Variants in NUCKS1 observed in about 807,000 individuals in gnomAD.
NUCKS1 encodes the protein nuclear ubiquitous casein and cyclin-dependent kinase substrate 1.
NUCKS1 carries 2 observed loss-of-function variants against 33.0 expected under a neutral mutation model. The observed-to-expected ratio is 0.06, with a 90% confidence interval of 0.02 to 0.19. The LOEUF is 0.19. Ranked by LOEUF, NUCKS1 falls within the 10% of genes least tolerant of loss-of-function variation. The pLI is 1.00. For missense variants in NUCKS1, 201 were observed against 293.6 expected (o/e 0.68, Z 2.31); for synonymous variants, 106 against 102.8 (o/e 1.03, Z -0.19).
At chr1:205,732,779 C>A (rs868390136) in intron 1 of NUCKS1, among the ~76,000 whole-genome samples, 196 of 73,902 alleles carry the variant, frequency 2.7e-3, no homozygotes, top group South Asian at 3.1e-3. Context: ...GACTCTGTCT[C>A]AAAAAAAAAA....
chr1:205,742,742 G>C (rs1278915172), intron 1 of NUCKS1, among the ~76,000 whole-genome samples: 1 of 152,116 alleles, frequency 6.6e-6, no homozygotes, highest in East Asian at 1.9e-4. Context: ...GGAGAATGGC[G>C]TGAACCCGGG....
At chr1:205,734,668 TG>T (rs1169368534) in intron 1 of NUCKS1, among the ~76,000 whole-genome samples, 1 of 152,080 alleles carries the variant, frequency 6.6e-6, no homozygotes, top group Non-Finnish European at 1.5e-5. Flanking sequence ...CCAAGGTGGG[TG>T]GATCACCTGA....
At chr1:205,745,741 CTATCATAGCTCTGT>C (rs1279796162) in intron 1 of NUCKS1, among the ~76,000 whole-genome samples, 5 of 152,072 alleles carry the variant, frequency 3.3e-5, no homozygotes, top group Non-Finnish European at 5.9e-5. Context: ...CTTAGCTCTG[CTATCATAGCTCTGT>C]AACTGTAACA....
chr1:205,735,804 CATAACTAACTCT>C (rs1654019786), intron 1 of NUCKS1, among the ~76,000 whole-genome samples: 1 of 152,172 alleles, frequency 6.6e-6, no homozygotes, highest in East Asian at 1.9e-4. Context: ...ATTTTGAACA[CATAACTAACTCT>C]TATTTGGATA....
intron 1 of NUCKS1, among the ~76,000 whole-genome samples, chr1:205,741,168 C>T (rs192197337): frequency 2.0e-5 from 3 of 147,760 alleles, no homozygotes; most frequent in Non-Finnish European, 3.0e-5. Flanking sequence ...GGCGTGGTGG[C>T]GGGCGCCTGT....
chr1:205,717,417 G>C lies in NUCKS1; in HGVS notation c.*863C>G, dbSNP rs1319461898. ...AGGGTTTTTTTTTTTTTGGATTCTT[G>C]GTAAAATTTTATCCAAAAAACAGGA... On this transcript the variant is annotated 3_prime_UTR_variant, in exon 7 of 7. Transcript: ENST00000367142. 2.1e-6 allele frequency: 2 copies of C among 961,066 alleles called. No individual in the cohort carries two copies. The highest frequency in any genetic ancestry group is 1.9e-5 in the African/African-American group (1 of 53,728). The allele number at this position is 961,066 out of a possible 1,614,324, so 59.5% of individuals were successfully genotyped here.
At chr1:205,732,001 A>G (rs1159647806) in intron 1 of NUCKS1, among the ~76,000 whole-genome samples, 1 of 152,204 alleles carries the variant, frequency 6.6e-6, no homozygotes, top group Non-Finnish European at 1.5e-5. Context: ...TTAAATTCAA[A>G]GACAGGATGG....
At chr1:205,748,517 C>T (rs1449272718) in intron 1 of NUCKS1, among the ~76,000 whole-genome samples, 1 of 152,196 alleles carries the variant, frequency 6.6e-6, no homozygotes, top group African/African-American at 2.4e-5. Context: ...AAGAGCTATC[C>T]AGACTCCTTG....
chr1:205,729,739 T>C, intron 1 of NUCKS1, 118 bp from the exon 2 acceptor site: 4 of 814,814 alleles, frequency 4.9e-6, no homozygotes, highest in East Asian at 2.5e-5. Context: ...AATTATTTAA[T>C]TGCTGGACGT....
At position 205,723,256 on chromosome 1, in the gene NUCKS1, G is replaced by A. The variant is rs1165011075; in HGVS notation, c.229+670C>T. Among the ~76,000 whole-genome samples, 6 of 152,126 alleles carry A rather than the reference G, an allele frequency of 3.9e-5. No individual in the cohort carries two copies. In the South Asian group the frequency reaches 1.2e-3, roughly 32 times the overall value. On this transcript the variant is annotated intron_variant, in intron 4 of 6. Coordinates refer to ENST00000367142, the MANE Select transcript of NUCKS1 (RefSeq NM_022731.5). Reference sequence around the variant, plus strand: ...GGGAGATCCAGGGAGACAACAGCAAGGGAATGTAGGTCAAAACTAAAGTGG... The same window carrying A: ...GGGAGATCCAGGGAGACAACAGCAAAGGAATGTAGGTCAAAACTAAAGTGG...
intron 1 of NUCKS1, among the ~76,000 whole-genome samples, chr1:205,744,662 C>T (rs1266598742): frequency 4.5e-5 from 3 of 67,014 alleles, no homozygotes; most frequent in African/African-American, 5.2e-5. Context: ...GACGGAGTTT[C>T]GCCCTTGTTG....
At chr1:205,729,449 GT>G (rs1653856110) in intron 2 of NUCKS1, 122 bp downstream of exon 2, 1 of 777,076 alleles carries the variant, frequency 1.3e-6, no homozygotes, top group Admixed American at 2.2e-5. Flanking sequence ...TCATGACATG[GT>G]TTTGGTAAAT....
intron 1 of NUCKS1, among the ~76,000 whole-genome samples, chr1:205,744,206 G>A (rs926656391): frequency 4.1e-4 from 63 of 152,166 alleles, no homozygotes; most frequent in African/African-American, 1.4e-3. Flanking sequence ...CTGTGACAAT[G>A]TCACATTGAA....
At chr1:205,732,904 A>G (rs988873740) in intron 1 of NUCKS1, among the ~76,000 whole-genome samples, 21 of 152,148 alleles carry the variant, frequency 1.4e-4, no homozygotes, top group Non-Finnish European at 2.6e-4. Context: ...CTACTATGGA[A>G]ATGCCTGCCA....
chr1:205,718,112 A>T lies in NUCKS1; in HGVS notation c.*168T>A. The T allele has an allele frequency of 1.6e-6, 2 of 1,240,040 alleles. No homozygotes were observed. Among genetic ancestry groups the T allele is most frequent in the Non-Finnish European group, 2.0e-6 (2 of 991,342 alleles). 76.8% of individuals were successfully genotyped at this position (1,240,040 alleles called of 1,614,324 possible). On this transcript the variant is annotated 3_prime_UTR_variant, in exon 7 of 7. Transcript: ENST00000367142. ...AAAAAAAAAAAAAAAAAAGAGAGAGAGAGAGAAATGTTACTTTCAACAAAT... is the reference window on the plus strand; with the variant it reads ...AAAAAAAAAAAAAAAAAAGAGAGAGTGAGAGAAATGTTACTTTCAACAAAT...
intron 1 of NUCKS1, among the ~76,000 whole-genome samples, chr1:205,738,504 T>C (rs1384634374): frequency 6.7e-6 from 1 of 149,134 alleles, no homozygotes; most frequent in East Asian, 2.0e-4. Context: ...GCTCATGCAA[T>C]CCTCCCACCA....
intron 4 of NUCKS1, among the ~76,000 whole-genome samples, chr1:205,721,002 T>C (rs1378881251): frequency 1.3e-5 from 2 of 151,628 alleles, no homozygotes; most frequent in African/African-American, 4.8e-5. Flanking sequence ...AGCAAACTAA[T>C]GCAGGCACAA....
At chr1:205,739,136 G>GA (rs1399363119) in intron 1 of NUCKS1, among the ~76,000 whole-genome samples, 28 of 152,160 alleles carry the variant, frequency 1.8e-4, no homozygotes, top group African/African-American at 6.3e-4. Flanking sequence ...ATTAACTGAG[G>GA]AAACTATGCT....
chr1:205,744,936 C>T (rs971070496), intron 1 of NUCKS1, among the ~76,000 whole-genome samples: 55 of 151,970 alleles, frequency 3.6e-4, no homozygotes, highest in Admixed American at 3.5e-3. Context: ...CTGGCCCTCA[C>T]GAGAGATATT....
Sources: gnomAD v4.1 joint callset for allele counts (sites outside exome capture counted in the v4.1 genomes callset) on GRCh38, gnomAD v4.1.1 for gene constraint, MANE v1.5 for transcripts, NCBI Gene and HGNC (gene_info 2026-07-23, HGNC 2026-07-21) for gene names.